Variants in AHCTF1 observed in about 807,000 individuals in gnomAD.
The protein encoded by AHCTF1 is AT-hook containing transcription factor 1.
A neutral mutation model predicts 248.4 loss-of-function variants in AHCTF1; 24 were observed. The ratio of observed to expected loss-of-function variants is 0.10; its 90% CI spans 0.07 to 0.14. AHCTF1 has a LOEUF of 0.14. Ranked by LOEUF, AHCTF1 falls within the 10% of genes least tolerant of loss-of-function variation. The pLI, the probability that AHCTF1 is intolerant of heterozygous loss-of-function variation, is 1.00. For missense variants in AHCTF1, 2,206 were observed against 2,636.2 expected (o/e 0.84, Z 3.57); for synonymous variants, 786 against 929.8 (o/e 0.85, Z 2.81).
intron 21 of AHCTF1, among the ~76,000 whole-genome samples, chr1:246,877,800 A>G (rs1245436678): frequency 6.6e-6 from 1 of 152,188 alleles, no homozygotes; most frequent in East Asian, 1.9e-4. Context: ...TGGCAGTCTC[A>G]GACACCATGC....
At chr1:246,843,711 TAAATA>T (rs151137571) in intron 34 of AHCTF1, 79 bp downstream of exon 34, 234,268 of 993,782 alleles carry the variant, frequency 0.24, 29,515 homozygotes, top group East Asian at 0.47. Context: ...CATTAAAATT[TAAATA>T]AAATAATTTT....
intron 4 of AHCTF1, among the ~76,000 whole-genome samples, chr1:246,909,394 C>CAAAAA (rs55998210): frequency 3.2e-5 from 2 of 62,376 alleles, no homozygotes; most frequent in Admixed American, 2.1e-4. Context: ...TCCAGCCTCT[C>CAAAAA]AAAAAAAAAA....
intron 20 of AHCTF1, 24 bp downstream of exon 20, chr1:246,887,187 T>C (rs201109397): frequency 4.6e-4 from 723 of 1,576,638 alleles, no homozygotes; most frequent in Middle Eastern, 6.2e-4. Context: ...CATGAAAGTT[T>C]ATGCTGTAAG....
intron 30 of AHCTF1, among the ~76,000 whole-genome samples, chr1:246,856,194 T>G (rs539072674): frequency 6.6e-6 from 1 of 152,190 alleles, no homozygotes; most frequent in African/African-American, 2.4e-5. Context: ...ATGAACTCAG[T>G]AGAGGCAAGG....
chr1:246,912,343 C>T (rs1199855333), intron 4 of AHCTF1, among the ~76,000 whole-genome samples: 2 of 151,854 alleles, frequency 1.3e-5, no homozygotes, highest in South Asian at 2.1e-4. Flanking sequence ...ATTAGCCAGG[C>T]ATGGTGGCGT....
intron 4 of AHCTF1, among the ~76,000 whole-genome samples, chr1:246,909,852 C>T (rs1665674202): frequency 6.6e-6 from 1 of 152,200 alleles, no homozygotes; most frequent in African/African-American, 2.4e-5. Context: ...CATCATTAGT[C>T]TCTAACTACT....
chr1:246,931,109 T>G (rs1572489183), intron 1 of AHCTF1: 1 of 1,547,164 alleles, frequency 6.5e-7, no homozygotes, highest in Non-Finnish European at 8.7e-7. Context: ...TCCAACTTCT[T>G]CCCCGCCAGG....
At chr1:246,913,722 T>C (rs1665961427) in intron 3 of AHCTF1, among the ~76,000 whole-genome samples, 1 of 152,208 alleles carries the variant, frequency 6.6e-6, no homozygotes, top group South Asian at 2.1e-4. Context: ...GTAGACTATG[T>C]GTGAGTACTT....
chr1:246,841,940 C>A (rs1659896225), intron 35 of AHCTF1, among the ~76,000 whole-genome samples: 1 of 150,554 alleles, frequency 6.6e-6, no homozygotes, highest in Admixed American at 6.6e-5. Flanking sequence ...AGGCACCCAC[C>A]ACCACGCCCA....
chr1:246,912,835 A>G lies in AHCTF1; in HGVS notation c.556+397T>C, dbSNP rs185038690. Among the ~76,000 whole-genome samples the G allele has an allele frequency of 6.2e-3, 950 of 152,238 alleles. 7 individuals are homozygous for G. Among genetic ancestry groups the G allele is most frequent in the African/African-American group, 0.022 (911 of 41,472 alleles). On this transcript the variant is annotated intron_variant, in intron 4 of 35. Coordinates refer to ENST00000648844, the MANE Select transcript of AHCTF1 (RefSeq NM_001323342.2). ...CACAAACATAAACAATATGCCAAGA[A>G]CACTATGTTAGATCCTACATTGCTG... is the stretch of plus-strand genomic sequence containing the variant.
intron 4 of AHCTF1, among the ~76,000 whole-genome samples, chr1:246,912,482 CAAA>C (rs879277552): frequency 8.6e-6 from 1 of 116,736 alleles, no homozygotes. Flanking sequence ...ACGCCGTCTC[CAAA>C]AAAAAAAAAC....
In AHCTF1 at chr1:246,853,258, T is replaced by C. The variant is rs759656970; in HGVS notation, c.4396A>G (p.Thr1466Ala). 1.9e-6 allele frequency: 3 copies of C among 1,613,890 alleles called. No homozygotes were observed. Among genetic ancestry groups the C allele is most frequent in the Non-Finnish European group, 2.5e-6 (3 of 1,179,942 alleles). The stretch of plus-strand genomic sequence containing the variant: ...GAGACAATAGGACCTTCAGAGATAG[T>C]GAGCGAGGAGTTTCCACCATCACCA... Reference protein sequence around the residue: ...VLGDGGNSSLTISEGPIVSER... With the variant: ...VLGDGGNSSLAISEGPIVSER... The change falls in exon 32 of 36, where the codon ACT becomes GCT. Residue 1466 changes from threonine to alanine, a missense_variant. Thr to Ala is a moderately conservative substitution (Grantham distance 58). Around this residue, in one of 6 missense-constraint regions of AHCTF1, gnomAD observed 955 missense variants for 1,055.6 expected, o/e 0.90. Coordinates refer to ENST00000648844, the MANE Select transcript of AHCTF1 (RefSeq NM_001323342.2).
At chr1:246,857,414 T>C (rs1661183183) in intron 30 of AHCTF1, among the ~76,000 whole-genome samples, 1 of 152,238 alleles carries the variant, frequency 6.6e-6, no homozygotes, top group Admixed American at 6.5e-5. Flanking sequence ...CATGGAGGTA[T>C]GCACAGCTGT....
At chr1:246,901,440 C>G (rs544645239) in intron 8 of AHCTF1, among the ~76,000 whole-genome samples, 1 of 151,958 alleles carries the variant, frequency 6.6e-6, no homozygotes, top group African/African-American at 2.4e-5. Flanking sequence ...ATGGCTAACA[C>G]GGTGAAACCC....
chr1:246,931,444 C>A (rs1667353097), intron 1 of AHCTF1, 134 bp downstream of exon 1: 3 of 1,346,560 alleles, frequency 2.2e-6, no homozygotes, highest in South Asian at 3.2e-5. Flanking sequence ...CCCGCGCACG[C>A]CCGGCCTAGG....
rs547286727 is a variant in AHCTF1 at position 246,849,886 on chromosome 1, C to T, written c.6120G>A (p.Met2040Ile). The T allele has an allele frequency of 5.0e-6, 8 of 1,613,912 alleles. No homozygotes were observed. The African/African-American group carries it at 1.1e-4, about 22-fold the overall frequency. ...SILVPNEELS[M>I]VMSSKKKLTK... The stretch of plus-strand genomic sequence containing the variant: ...TAAGTTTTTTCTTAGAGCTCATCAC[C>T]ATCGAAAGTTCCTCGTTTGGCACTA... The change falls in exon 33 of 36, where the codon ATG (methionine) becomes ATA (isoleucine). Residue 2040 changes from methionine to isoleucine, a missense_variant. By Grantham distance (10) the Met-to-Ile change is conservative. This residue lies in a region of AHCTF1 where 469 missense variants were observed against 470.0 expected (regional missense o/e 1.00). Transcript: ENST00000648844.
intron 1 of AHCTF1, among the ~76,000 whole-genome samples, chr1:246,930,521 G>A (rs1029131896): frequency 6.0e-5 from 9 of 150,324 alleles, no homozygotes; most frequent in Admixed American, 3.3e-4. Context: ...TCCGAAATAA[G>A]TAAACCACTC....
At chr1:246,870,548 T>A (rs7550035) in intron 24 of AHCTF1, among the ~76,000 whole-genome samples, 7,941 of 152,164 alleles carry the variant, frequency 0.052, 709 homozygotes, top group African/African-American at 0.18. Flanking sequence ...GAATCTACAG[T>A]GTTGAAATGA....
At chr1:246,881,250 TA>T (rs1377043614) in intron 21 of AHCTF1, among the ~76,000 whole-genome samples, 1 of 152,174 alleles carries the variant, frequency 6.6e-6, no homozygotes, top group African/African-American at 2.4e-5. Context: ...AAAGTCATTT[TA>T]AAAAAGAACA....
Sources: gnomAD v4.1 joint callset for allele counts (sites outside exome capture counted in the v4.1 genomes callset) on GRCh38, gnomAD v4.1.1 for gene constraint, gnomAD v4.1.1 regional missense constraint, MANE v1.5 for transcripts, NCBI Gene and HGNC (gene_info 2026-07-23, HGNC 2026-07-21) for gene names.